CNTNAP2: variants seen among roughly 807,000 people sequenced by gnomAD.
The protein encoded by CNTNAP2 is contactin associated protein 2.
A neutral mutation model predicts 155.2 loss-of-function variants in CNTNAP2; 98 were observed. The observed-to-expected ratio is 0.63, with a 90% CI of 0.54 to 0.75. CNTNAP2 has a LOEUF of 0.75. CNTNAP2 is among the 30% of genes least tolerant of loss of function. The probability of loss-of-function intolerance (pLI) is 0.00; values close to 1 mark genes in which losing one functional copy is unlikely to be tolerated. For missense variants in CNTNAP2, 1,727 were observed against 1,688.1 expected, an observed-to-expected ratio of 1.02 and a Z score of -0.40; for synonymous variants, 651 against 631.2, an observed-to-expected ratio of 1.03 and a Z score of -0.47.
In CNTNAP2 at chr7:146,774,313, C is replaced by A; in HGVS notation, c.140C>A (p.Ala47Asp). The part of the protein sequence containing the change: ...EPLVSGLPHV[A>D]FSSSSSISGS... ...CTTGTCTCTGGACTCCCCCATGTGG[C>A]TTTCAGCAGCTCCTCCTCCATCTCT... The change falls in exon 2 of 24, where the codon GCT becomes GAT. Residue 47 changes from alanine to aspartate, a missense_variant. Coordinates refer to ENST00000361727, the MANE Select transcript of CNTNAP2 (RefSeq NM_014141.6). The A allele has an allele frequency of 6.2e-7, 1 of 1,614,000 alleles. No homozygotes were observed.
At position 147,591,210 on chromosome 7, in the gene CNTNAP2, A is replaced by T. The variant is rs137922026; in HGVS notation, c.1897+28953A>T. Reference sequence around the variant, plus strand: ...TTAGTTTCCTAGGGCTGCCATAACAAAATACCATGGACTGGGTAGCTTAAA... The same window carrying T: ...TTAGTTTCCTAGGGCTGCCATAACATAATACCATGGACTGGGTAGCTTAAA... On this transcript the variant is annotated intron_variant, in intron 12 of 23. Coordinates refer to ENST00000361727, the MANE Select transcript of CNTNAP2 (RefSeq NM_014141.6). Among the ~76,000 whole-genome samples, 613 of 152,320 alleles carry T rather than the reference A, an allele frequency of 4.0e-3. 10 individuals carry two copies. The highest frequency in any genetic ancestry group is 0.014 in the African/African-American group (574 of 41,562).
At chr7:147,905,002 C>T (rs754817515) in intron 14 of CNTNAP2, among the ~76,000 whole-genome samples, 4 of 152,002 alleles carry the variant, frequency 2.6e-5, no homozygotes, top group Non-Finnish European at 4.4e-5. Context: ...TTTATTCATT[C>T]GTTCAATCAT....
chr7:146,513,387 T>A (rs1797495984), intron 1 of CNTNAP2, among the ~76,000 whole-genome samples: 1 of 151,980 alleles, frequency 6.6e-6, no homozygotes, highest in Non-Finnish European at 1.5e-5. Context: ...TCTTCCTTCT[T>A]ACCATCTTCC....
At chr7:146,903,806 G>T (rs112807863) in intron 3 of CNTNAP2, among the ~76,000 whole-genome samples, 49 of 152,148 alleles carry the variant, frequency 3.2e-4, no homozygotes, top group African/African-American at 1.1e-3. Flanking sequence ...CTCTTGCCCC[G>T]CATAGTGACT....
At chr7:147,535,662 A>G (rs1479442370) in intron 11 of CNTNAP2, among the ~76,000 whole-genome samples, 2 of 152,076 alleles carry the variant, frequency 1.3e-5, no homozygotes, top group East Asian at 1.9e-4. Flanking sequence ...AAATATCTCC[A>G]TTTGCCTGGC....
At chr7:147,853,460 C>A (rs1798985046) in intron 13 of CNTNAP2, among the ~76,000 whole-genome samples, 1 of 151,770 alleles carries the variant, frequency 6.6e-6, no homozygotes, top group South Asian at 2.1e-4. Flanking sequence ...CTTTAAAAAT[C>A]CTATTTATTT....
intron 12 of CNTNAP2, among the ~76,000 whole-genome samples, chr7:147,621,699 T>G (rs1794859857): frequency 6.6e-6 from 1 of 151,440 alleles, no homozygotes; most frequent in Admixed American, 6.6e-5. Context: ...TCACCTTCAC[T>G]AAAGGAGGAC....
chr7:148,251,482 T>A (rs925921216), intron 20 of CNTNAP2, among the ~76,000 whole-genome samples: 2 of 151,942 alleles, frequency 1.3e-5, no homozygotes, highest in African/African-American at 4.8e-5. Context: ...TTTTTAGAGG[T>A]TTCATTACAC....
At chr7:148,415,300 A>T in intron 23 of CNTNAP2, 117 bp from the exon 24 acceptor site, 2 of 1,020,568 alleles carry the variant, frequency 2.0e-6, no homozygotes, top group Admixed American at 3.9e-5. Context: ...GTTGTTTTGG[A>T]GGTTGTGTTT....
chr7:147,064,050 T>C (rs771279518), intron 4 of CNTNAP2, among the ~76,000 whole-genome samples: 12 of 152,142 alleles, frequency 7.9e-5, no homozygotes, highest in Non-Finnish European at 1.3e-4. Flanking sequence ...TGTTAGTTAA[T>C]AGCACTGTTT....
intron 21 of CNTNAP2, among the ~76,000 whole-genome samples, chr7:148,320,354 A>C (rs1797767979): frequency 6.8e-6 from 1 of 146,570 alleles, no homozygotes; most frequent in African/African-American, 2.5e-5. Flanking sequence ...GAGAGCTGAG[A>C]CCTAACAAAG....
rs371947034 is a variant in CNTNAP2 at position 148,343,871 on chromosome 7, T to A, written c.3476-39778T>A. On this transcript the variant is annotated intron_variant, in intron 21 of 23. Coordinates refer to ENST00000361727, the MANE Select transcript of CNTNAP2 (RefSeq NM_014141.6). ...GTGAACCATATATCTCTTTTATATATAGGTTCTGAAACTGGTGAAATGGGG... is the reference window on the plus strand; with the variant it reads ...GTGAACCATATATCTCTTTTATATAAAGGTTCTGAAACTGGTGAAATGGGG... Among the ~76,000 whole-genome samples, 8 of 152,178 alleles carry A rather than the reference T, an allele frequency of 5.3e-5. No individual in the cohort carries two copies. In the East Asian group the frequency reaches 5.8e-4, roughly 11 times the overall value.
intron 8 of CNTNAP2, among the ~76,000 whole-genome samples, chr7:147,223,722 C>T (rs1803457735): frequency 6.6e-6 from 1 of 152,124 alleles, no homozygotes. Flanking sequence ...GCAGGCGGAT[C>T]ATGAGGTCAG....
At chr7:148,052,613 A>G (rs576513825) in intron 15 of CNTNAP2, among the ~76,000 whole-genome samples, 1 of 152,348 alleles carries the variant, frequency 6.6e-6, no homozygotes, top group South Asian at 2.1e-4. Context: ...TGTAGACCAC[A>G]TGCAAGATTT....
At chr7:147,104,155 C>T (rs933551695) in intron 4 of CNTNAP2, among the ~76,000 whole-genome samples, 1 of 151,998 alleles carries the variant, frequency 6.6e-6, no homozygotes, top group African/African-American at 2.4e-5. Context: ...CTGGGTGAAA[C>T]ATATGAGAAT....
intron 1 of CNTNAP2, among the ~76,000 whole-genome samples, chr7:146,156,469 A>C (rs955326005): frequency 4.6e-5 from 7 of 152,358 alleles, no homozygotes; most frequent in African/African-American, 1.7e-4. Context: ...TGCAAAAAAA[A>C]GAAAGTTCAC....
At chr7:147,067,224 G>T (rs1250502066) in intron 4 of CNTNAP2, among the ~76,000 whole-genome samples, 1 of 149,496 alleles carries the variant, frequency 6.7e-6, no homozygotes, top group Non-Finnish European at 1.5e-5. Flanking sequence ...TCATGAGGCG[G>T]AAGTTGCAGT....
chr7:146,601,747 T>C (rs1260227496), intron 1 of CNTNAP2, among the ~76,000 whole-genome samples: 1 of 151,956 alleles, frequency 6.6e-6, no homozygotes, highest in Non-Finnish European at 1.5e-5. Context: ...ATGATACTGG[T>C]TCAAAGAAAC....
At chr7:146,880,234 G>A (rs1795516474) in intron 3 of CNTNAP2, among the ~76,000 whole-genome samples, 1 of 152,070 alleles carries the variant, frequency 6.6e-6, no homozygotes, top group African/African-American at 2.4e-5. Context: ...GGAAACAGGA[G>A]CCTATGGTGA....
Sources: gnomAD v4.1 joint callset for allele counts (sites outside exome capture counted in the v4.1 genomes callset) on GRCh38, gnomAD v4.1.1 for gene constraint, MANE v1.5 for transcripts, NCBI Gene and HGNC (gene_info 2026-07-23, HGNC 2026-07-21) for gene names.